MAGI2: variants seen among roughly 807,000 people sequenced by gnomAD.
The protein encoded by MAGI2 is membrane-associated guanylate kinase, WW and PDZ domain-containing protein 2.
MAGI2 carries 35 observed loss-of-function variants against 133.3 expected under a neutral mutation model. The ratio of observed to expected loss-of-function variants is 0.26; its 90% CI spans 0.20 to 0.35. The LOEUF is 0.35. Among genes scored for constraint, MAGI2 ranks in the 10% least tolerant of loss-of-function variants. The pLI is 1.00. For missense variants in MAGI2, 1,636 were observed against 1,863.4 expected, an observed-to-expected ratio of 0.88 and a Z score of 2.25; for synonymous variants, 729 against 710.6, an observed-to-expected ratio of 1.03 and a Z score of -0.41.
chr7:78,987,533 C>T (rs1199788776), intron 2 of MAGI2, among the ~76,000 whole-genome samples: 1 of 151,996 alleles, frequency 6.6e-6, no homozygotes, highest in Admixed American at 6.6e-5. Flanking sequence ...AATGCACCAA[C>T]ATTTCAAGTC....
At chr7:79,207,497 T>C (rs1829153153) in intron 1 of MAGI2, among the ~76,000 whole-genome samples, 1 of 148,908 alleles carries the variant, frequency 6.7e-6, no homozygotes, top group Non-Finnish European at 1.5e-5. Context: ...TAGTAACAAA[T>C]TTAACCAAGG....
intron 21 of MAGI2, among the ~76,000 whole-genome samples, chr7:78,020,275 G>C (rs1433765521): frequency 6.6e-6 from 1 of 152,218 alleles, no homozygotes; most frequent in Non-Finnish European, 1.5e-5. Flanking sequence ...TTCCGGGGGT[G>C]TTCTCGGGCC....
chr7:78,992,321 A>T (rs1584605070), intron 2 of MAGI2, among the ~76,000 whole-genome samples: 1 of 151,998 alleles, frequency 6.6e-6, no homozygotes, highest in Admixed American at 6.6e-5. Flanking sequence ...TGTCTTAATC[A>T]CTCTGTATTT....
chr7:78,417,148 G>A (rs1409853926), intron 6 of MAGI2, among the ~76,000 whole-genome samples: 1 of 152,086 alleles, frequency 6.6e-6, no homozygotes, highest in Non-Finnish European at 1.5e-5. Context: ...AAGCTGCTTT[G>A]AGGAAGGGCC....
chr7:78,169,984 C>G (rs150101277), intron 14 of MAGI2, among the ~76,000 whole-genome samples: 9 of 152,348 alleles, frequency 5.9e-5, no homozygotes, highest in African/African-American at 1.9e-4. Context: ...GTGCTTTGTG[C>G]AAAAGCCAGT....
At chr7:78,036,918 TA>T (rs1810291245) in intron 21 of MAGI2, among the ~76,000 whole-genome samples, 1 of 152,182 alleles carries the variant, frequency 6.6e-6, no homozygotes, top group African/African-American at 2.4e-5. Flanking sequence ...TTGGCCTCTT[TA>T]GGTAACTTTT....
chr7:78,780,251 G>A, intron 2 of MAGI2, among the ~76,000 whole-genome samples: 1 of 152,300 alleles, frequency 6.6e-6, no homozygotes, highest in African/African-American at 2.4e-5. Flanking sequence ...TCAAGTTAAA[G>A]CCACTGAACT....
At chr7:78,386,962 C>T (rs945428216) in intron 6 of MAGI2, among the ~76,000 whole-genome samples, 5 of 152,266 alleles carry the variant, frequency 3.3e-5, no homozygotes, top group Middle Eastern at 3.4e-3. Context: ...ATTATTGGGT[C>T]AAGGTGTTAG....
Position 78,256,189 on chromosome 7 carries a change from C to T in MAGI2, c.1801G>A (p.Ala601Thr), listed in dbSNP as rs756907384. 6.2e-7 allele frequency: 1 copy of T among 1,614,004 alleles called. No homozygotes were observed. The highest frequency in any genetic ancestry group is 8.5e-7 in the Non-Finnish European group (1 of 1,179,986). Residue 601 changes from alanine (A) to threonine (T), a missense_variant, in exon 10 of 22, where the codon GCT (alanine) becomes ACT (threonine). Around this residue, in one of 5 missense-constraint regions of MAGI2, gnomAD observed 920 missense variants for 1,093.5 expected, o/e 0.84. Transcript: ENST00000354212. Reference protein sequence around the residue: ...VSMASSGATQAELMTLTIVKG... With the variant: ...VSMASSGATQTELMTLTIVKG... ...ACAATGGTTAAGGTCATAAGTTCAG[C>T]TTGGGTGGCCCCAGATGAAGCCATA...
In MAGI2 at chr7:78,184,407, A is replaced by T. The variant is rs541260386; in HGVS notation, c.2311+1222T>A. ...TTCCATATTTTCTACATATCCCCCCAAAAATGACATGGAAACTTACAGAAT... is the reference window on the plus strand; with the variant it reads ...TTCCATATTTTCTACATATCCCCCCTAAAATGACATGGAAACTTACAGAAT... On this transcript the variant is annotated intron_variant, in intron 13 of 21. Transcript: ENST00000354212. The T allele has an allele frequency of 2.0e-5, 3 of 152,322 alleles. No individual in the cohort carries two copies. In the South Asian group the frequency reaches 6.2e-4, roughly 32 times the overall value. The allele number at this position is 152,322 out of a possible 1,614,324, so 9.4% of individuals were successfully genotyped here.
At chr7:78,685,020 G>T (rs1268658620) in intron 2 of MAGI2, among the ~76,000 whole-genome samples, 1 of 152,328 alleles carries the variant, frequency 6.6e-6, no homozygotes, top group South Asian at 2.1e-4. Flanking sequence ...TCATGAGGCT[G>T]CATATAGCAG....
chr7:78,044,703 GTGCA>G (rs35799158), intron 21 of MAGI2, among the ~76,000 whole-genome samples: 2,350 of 58,546 alleles, frequency 0.04, 77 homozygotes, highest in African/African-American at 0.12. Context: ...GTGTGTGTGT[GTGCA>G]CGTGTGCACA....
intron 1 of MAGI2, among the ~76,000 whole-genome samples, chr7:79,154,588 T>G (rs953222655): frequency 6.6e-6 from 1 of 152,118 alleles, no homozygotes; most frequent in African/African-American, 2.4e-5. Flanking sequence ...TTCTTGTGCT[T>G]TTAGAGGAGG....
At chr7:78,639,006 A>C (rs1472909971) in intron 2 of MAGI2, among the ~76,000 whole-genome samples, 1 of 152,192 alleles carries the variant, frequency 6.6e-6, no homozygotes, top group Non-Finnish European at 1.5e-5. Context: ...ATGTAAAATT[A>C]ATCTGGGCCA....
chr7:78,841,021 A>G (rs1245613945), intron 2 of MAGI2, among the ~76,000 whole-genome samples: 1 of 151,902 alleles, frequency 6.6e-6, no homozygotes, highest in African/African-American at 2.4e-5. Context: ...CTCCATCTTC[A>G]CTGGCTCTGG....
chr7:79,167,397 C>G (rs979518319), intron 1 of MAGI2, among the ~76,000 whole-genome samples: 42 of 84,722 alleles, frequency 5.0e-4, no homozygotes, highest in Admixed American at 7.6e-4. Context: ...CCAAAAATGG[C>G]AAAAAAAAAA....
chr7:78,247,663 C>T (rs752206703), intron 10 of MAGI2, among the ~76,000 whole-genome samples: 2 of 151,882 alleles, frequency 1.3e-5, no homozygotes, highest in African/African-American at 4.8e-5. Context: ...TAAAAACATA[C>T]AATACAGAGC....
intron 2 of MAGI2, among the ~76,000 whole-genome samples, chr7:78,919,633 T>C (rs1456744198): frequency 6.6e-6 from 1 of 152,074 alleles, no homozygotes; most frequent in African/African-American, 2.4e-5. Flanking sequence ...AATGGACTTG[T>C]AGAACATTTT....
At chr7:78,326,262 G>C (rs1433106925) in intron 9 of MAGI2, among the ~76,000 whole-genome samples, 4 of 152,148 alleles carry the variant, frequency 2.6e-5, no homozygotes, top group Admixed American at 2.0e-4. Context: ...TCTGAACCTG[G>C]ATTGCCTAAT....
Sources: gnomAD v4.1 joint callset for allele counts (sites outside exome capture counted in the v4.1 genomes callset) on GRCh38, gnomAD v4.1.1 for gene constraint, gnomAD v4.1.1 regional missense constraint, MANE v1.5 for transcripts, NCBI Gene and HGNC (gene_info 2026-07-23, HGNC 2026-07-21) for gene names.